The following DLC1 variants were observed in gnomAD, a reference collection of about 807,000 sequenced individuals.
The protein encoded by DLC1 is DLC1 Rho GTPase activating protein.
In DLC1, 54 loss-of-function variants were observed where a neutral mutation model predicts 140.3. That is an observed-to-expected ratio of 0.38 (90% CI 0.31 to 0.48). DLC1 has a LOEUF of 0.48. Ranked by LOEUF, DLC1 falls within the 20% of genes least tolerant of loss-of-function variation. DLC1 has a pLI of 0.96. For synonymous variants in DLC1, 986 were observed against 728.1 expected (o/e 1.35, Z -5.70); for missense variants, 2,536 against 1,907.0 (o/e 1.33, Z -6.14).
intron 1 of DLC1, among the ~76,000 whole-genome samples, chr8:13,588,529 A>G (rs142117909): frequency 1.7e-3 from 262 of 152,246 alleles, no homozygotes; most frequent in African/African-American, 5.8e-3. Flanking sequence ...TGCAAGAATT[A>G]TAGCCTGGGG....
chr8:13,454,644 C>T (rs1288217875), intron 2 of DLC1, among the ~76,000 whole-genome samples: 3 of 152,140 alleles, frequency 2.0e-5, no homozygotes, highest in African/African-American at 7.2e-5. Context: ...CAACGTCGAC[C>T]TCTGGGCTCA....
intron 5 of DLC1, among the ~76,000 whole-genome samples, chr8:13,126,247 G>A (rs906913435): frequency 2.7e-5 from 4 of 149,690 alleles, no homozygotes; most frequent in Non-Finnish European, 4.5e-5. Flanking sequence ...AGGTCAAACT[G>A]AAATCAAAAT....
intron 4 of DLC1, among the ~76,000 whole-genome samples, chr8:13,321,536 C>CAAA (rs1486480504): frequency 3.3e-4 from 2 of 6,136 alleles, no homozygotes; most frequent in Non-Finnish European, 4.8e-4. Flanking sequence ...GACTCAGTCT[C>CAAA]AAAAAAGAAA....
chr8:13,468,911 C>G (rs1800077477), intron 2 of DLC1, among the ~76,000 whole-genome samples: 1 of 148,788 alleles, frequency 6.7e-6, no homozygotes, highest in Non-Finnish European at 1.5e-5. Flanking sequence ...ACCTCGGCCT[C>G]CCGGGTTCAA....
chr8:13,380,726 T>C (rs1836212566), intron 4 of DLC1, among the ~76,000 whole-genome samples: 1 of 152,166 alleles, frequency 6.6e-6, no homozygotes, highest in Non-Finnish European at 1.5e-5. Flanking sequence ...ATGTTAAAAT[T>C]AAAATTTTGA....
rs139031803 is a variant in DLC1, at chr8:13,320,934, C to T, written c.1315-15632G>A. Among the ~76,000 whole-genome samples the T allele has an allele frequency of 4.5e-4, 68 of 152,272 alleles. No individual in the cohort carries two copies. In the East Asian group the frequency reaches 0.011, roughly 25 times the overall value. ...TGCTTCCTCTCAAGCCATGTGATTG[C>T]TGCACACACCAGCTCCCCTTCCCTT... On this transcript the variant is annotated intron_variant, in intron 4 of 17. Transcript: ENST00000276297.
At chr8:13,544,557 C>T (rs138056837) in intron 1 of DLC1, among the ~76,000 whole-genome samples, 2 of 152,208 alleles carry the variant, frequency 1.3e-5, no homozygotes, top group East Asian at 1.9e-4. Flanking sequence ...GACAAAAGAA[C>T]TGAAAAGTGT....
rs1443647926 is a variant in DLC1, at chr8:13,100,401, G to C, written c.1936C>G (p.Leu646Val). Residue 646 changes from leucine (L) to valine (V), a missense_variant, in exon 9 of 18, where the codon CTG becomes GTG. Leu to Val is a conservative substitution (Grantham distance 32). Coordinates refer to ENST00000276297, the MANE Select transcript of DLC1 (RefSeq NM_182643.3). ...SFGSLPSPKE[L>V]SSFSFSMKGH... ...TTCATGCTGAAGCTGAAGCTGGACAGTTCCTTGGGAGAGGGCAGGCTGCCG... is the reference window on the plus strand; with the variant it reads ...TTCATGCTGAAGCTGAAGCTGGACACTTCCTTGGGAGAGGGCAGGCTGCCG... 6.2e-7 allele frequency: 1 copy of C among 1,614,064 alleles called. No individual in the cohort carries two copies. The highest frequency in any genetic ancestry group is 2.2e-5 in the East Asian group (1 of 44,874).
At chr8:13,120,356 A>AAAAAAATATATATAT in intron 5 of DLC1, among the ~76,000 whole-genome samples, 6 of 61,130 alleles carry the variant, frequency 9.8e-5, no homozygotes, top group East Asian at 7.2e-4. Context: ...AAAAAAAAAA[A>AAAAAAATATATATAT]ATATATATAT....
At chr8:13,564,746 T>C (rs1804368771) in intron 1 of DLC1, among the ~76,000 whole-genome samples, 3 of 152,200 alleles carry the variant, frequency 2.0e-5, no homozygotes, top group Non-Finnish European at 4.4e-5. Flanking sequence ...GCATTCTTGA[T>C]CATTAAGGAA....
intron 5 of DLC1, among the ~76,000 whole-genome samples, chr8:13,271,512 A>G (rs997590037): frequency 6.6e-6 from 1 of 152,224 alleles, no homozygotes; most frequent in African/African-American, 2.4e-5. Flanking sequence ...CAAAAGACAT[A>G]TGATCCTGAA....
chr8:13,375,451 C>T (rs1444853178), intron 4 of DLC1, among the ~76,000 whole-genome samples: 1 of 152,206 alleles, frequency 6.6e-6, no homozygotes, highest in South Asian at 2.1e-4. Flanking sequence ...ATGTCATCTG[C>T]AAACAGGGAC....
chr8:13,401,589 G>T lies in DLC1; in HGVS notation c.1054C>A (p.Leu352Met). The T allele has an allele frequency of 6.2e-7, 1 of 1,613,754 alleles. No homozygotes were observed. The highest frequency in any genetic ancestry group is 1.3e-5 in the African/African-American group (1 of 75,016). ...ATAATCAGCAGCACCATGGAGTCCA[G>T]CCGCGCCCTATCTCGATCTTCTCTT... Reference protein sequence around the residue: ...EIREDRDRARLDSMVLLIMKL... With the variant: ...EIREDRDRARMDSMVLLIMKL... Residue 352 changes from leucine (L) to methionine (M), a missense_variant, in exon 3 of 18, where the codon CTG becomes ATG. Leu to Met is a conservative substitution (Grantham distance 15). Transcript: ENST00000276297.
intron 5 of DLC1, among the ~76,000 whole-genome samples, chr8:13,268,864 C>T (rs868820600): frequency 1.4e-5 from 2 of 147,358 alleles, no homozygotes; most frequent in Non-Finnish European, 3.0e-5. Flanking sequence ...CCCATCTGTG[C>T]TTCCTTCCTT....
intron 3 of DLC1, 36 bp downstream of exon 3, chr8:13,401,434 T>C (rs1280478076): frequency 1.2e-6 from 2 of 1,607,932 alleles, no homozygotes; most frequent in African/African-American, 1.3e-5. Context: ...GAGTTACGAC[T>C]CCTATGGGAA....
At chr8:13,270,555 T>G (rs915312428) in intron 5 of DLC1, among the ~76,000 whole-genome samples, 2 of 152,168 alleles carry the variant, frequency 1.3e-5, no homozygotes, top group Non-Finnish European at 2.9e-5. Context: ...ATATCTAGCT[T>G]GACAAGCTCA....
At chr8:13,157,827 A>T (rs1824367351) in intron 5 of DLC1, among the ~76,000 whole-genome samples, 1 of 152,210 alleles carries the variant, frequency 6.6e-6, no homozygotes. Flanking sequence ...TTCCTCTTCC[A>T]CTAGGGCAAT....
rs1804964896 is a variant in DLC1 at position 13,579,318 on chromosome 8, TATATATATATATATATATATATA to T, written c.-126+25196_-126+25218del. On this transcript the variant is annotated intron_variant, in intron 1 of 1. Coordinates refer to the DLC1 transcript ENST00000631382. Reference sequence around the variant, plus strand: ...GTCAGATACCACAGGTCTGACTTTATATATATATATATATATATATATATATATATATATATATATATATTTTT... The same window carrying T: ...GTCAGATACCACAGGTCTGACTTTATTATATATATATATATATATATTTTT... Among the ~76,000 whole-genome samples the T allele has an allele frequency of 2.6e-3, 14 of 5,474 alleles. 2 individuals carry two copies. The highest frequency in any genetic ancestry group is 3.5e-3 in the Non-Finnish European group (12 of 3,394). 3.6% of individuals were successfully genotyped at this position (5,474 alleles called of 152,430 possible). A position where few individuals can be genotyped will look rare whatever the true frequency, so the allele number is the denominator to read the frequency against.
At chr8:13,325,470 A>G (rs1459003075) in intron 4 of DLC1, among the ~76,000 whole-genome samples, 3 of 142,608 alleles carry the variant, frequency 2.1e-5, no homozygotes, top group African/African-American at 7.5e-5. Context: ...ACACACACAC[A>G]CACACACACA....
Sources: gnomAD v4.1 joint callset for allele counts (sites outside exome capture counted in the v4.1 genomes callset) on GRCh38, gnomAD v4.1.1 for gene constraint, MANE v1.5 for transcripts, NCBI Gene and HGNC (gene_info 2026-07-23, HGNC 2026-07-21) for gene names.